The following C8orf34 variants were observed in gnomAD, a reference collection of about 807,000 sequenced individuals.
The protein encoded by C8orf34 is uncharacterized protein C8orf34.
Under a neutral mutation model 68.3 loss-of-function variants are expected in C8orf34, and 65 were observed. The observed-to-expected ratio is 0.95, with a 90% confidence interval of 0.78 to 1.17. The LOEUF is 1.17. C8orf34 is among the 50% of genes most tolerant of loss of function. C8orf34 has a pLI of 0.00. For synonymous variants in C8orf34, 244 were observed against 241.2 expected, an observed-to-expected ratio of 1.01 and a Z score of -0.11; for missense variants, 664 against 655.4, an observed-to-expected ratio of 1.01 and a Z score of -0.14.
intron 7 of C8orf34, among the ~76,000 whole-genome samples, chr8:68,581,286 G>A (rs1047902662): frequency 6.6e-6 from 1 of 152,000 alleles, no homozygotes; most frequent in Non-Finnish European, 1.5e-5. Context: ...AGGCCTATTT[G>A]TTTACATTTG....
rs114690030 is a variant in C8orf34 at position 68,572,728 on chromosome 8, A to T, written c.1105+39579A>T. On this transcript the variant is annotated intron_variant, in intron 7 of 13. Coordinates refer to ENST00000518698, the MANE Select transcript of C8orf34 (RefSeq NM_052958.4). The stretch of plus-strand genomic sequence containing the variant: ...GTTGCTGTGCTTTAGTGTCCCATAA[A>T]CAGTATGTTTGGGTTTTATGCCTGG... 8.2e-3 allele frequency among the ~76,000 whole-genome samples: 1,246 copies of T among 152,142 alleles called. 21 individuals are homozygous for T. The highest frequency in any genetic ancestry group is 0.028 in the African/African-American group (1,174 of 41,514).
At chr8:68,767,565 A>T (rs1407032332) in intron 10 of C8orf34, among the ~76,000 whole-genome samples, 1 of 152,218 alleles carries the variant, frequency 6.6e-6, no homozygotes, top group African/African-American at 2.4e-5. Context: ...TCAGTTCTCT[A>T]TATTTTTCTG....
At chr8:68,525,607 G>T in intron 6 of C8orf34, 1 of 836,390 alleles carries the variant, frequency 1.2e-6, no homozygotes, top group Non-Finnish European at 2.0e-6. Flanking sequence ...TCAGTACAAT[G>T]AAACCGAACT....
intron 8 of C8orf34, among the ~76,000 whole-genome samples, chr8:68,701,669 A>G (rs1212360161): frequency 8.6e-5 from 13 of 151,992 alleles, no homozygotes; most frequent in South Asian, 4.2e-4. Context: ...CCTACAGTCT[A>G]TTATCAATAC....
In C8orf34 at chr8:68,787,440, C is replaced by A; in HGVS notation, c.1456-3C>A. 1 of 1,602,972 alleles carries A rather than the reference C, an allele frequency of 6.2e-7. No individual in the cohort carries two copies. Among genetic ancestry groups the A allele is most frequent in the Non-Finnish European group, 8.5e-7 (1 of 1,172,850 alleles). The stretch of plus-strand genomic sequence containing the variant: ...AATCTAAAATAAATGTGTTCTTTTG[C>A]AGGATGAATCCTTAAAGCAATTGCA... On this transcript the variant is annotated splice_region_variant and splice_polypyrimidine_tract_variant and intron_variant, in intron 11 of 13. Transcript: ENST00000518698.
chr8:68,333,131 T>C (rs970170003), intron 1 of C8orf34, among the ~76,000 whole-genome samples: 3 of 152,178 alleles, frequency 2.0e-5, no homozygotes, highest in Non-Finnish European at 4.4e-5. Flanking sequence ...ATTTTAATAA[T>C]AATAAAATTA....
chr8:68,563,892 G>A (rs1816507138), intron 7 of C8orf34, among the ~76,000 whole-genome samples: 1 of 151,890 alleles, frequency 6.6e-6, no homozygotes, highest in Non-Finnish European at 1.5e-5. Flanking sequence ...AACAAAATCA[G>A]GCAAAAGAAA....
intron 1 of C8orf34, among the ~76,000 whole-genome samples, chr8:68,388,145 A>G (rs944398906): frequency 1.1e-4 from 16 of 152,314 alleles, no homozygotes; most frequent in Admixed American, 2.6e-4. Flanking sequence ...TATTCCAGAT[A>G]AAACAGACAT....
chr8:68,418,817 T>C (rs1217705429), intron 1 of C8orf34, among the ~76,000 whole-genome samples: 2 of 152,038 alleles, frequency 1.3e-5, no homozygotes, highest in Non-Finnish European at 2.9e-5. Flanking sequence ...TTACACCTTA[T>C]ACAAAAATCA....
At chr8:68,560,328 T>C (rs900709384) in intron 7 of C8orf34, among the ~76,000 whole-genome samples, 2 of 152,178 alleles carry the variant, frequency 1.3e-5, no homozygotes, top group African/African-American at 4.8e-5. Flanking sequence ...ATGTACTATC[T>C]TATAGTTACA....
chr8:68,624,163 T>C lies in C8orf34; in HGVS notation c.1106-16213T>C, dbSNP rs192704535. ...GGTGCACGCCTGTAATCCCAGCTAA[T>C]TGGGAGGCTGAGGTAGGAGAATCAC... is the stretch of plus-strand genomic sequence containing the variant. On this transcript the variant is annotated intron_variant, in intron 7 of 13. Transcript: ENST00000518698. Among the ~76,000 whole-genome samples the C allele has an allele frequency of 2.4e-4, 37 of 151,552 alleles. No individual in the cohort carries two copies. In the East Asian group the frequency reaches 7.1e-3, roughly 29 times the overall value.
intron 7 of C8orf34, among the ~76,000 whole-genome samples, chr8:68,612,955 GT>G (rs1477959817): frequency 1.3e-5 from 2 of 152,052 alleles, no homozygotes; most frequent in African/African-American, 4.8e-5. Flanking sequence ...ATCTTATAAG[GT>G]GCTGACCAGT....
At chr8:68,332,138 G>A (rs1234303430) in intron 1 of C8orf34, among the ~76,000 whole-genome samples, 1 of 151,990 alleles carries the variant, frequency 6.6e-6, no homozygotes, top group Non-Finnish European at 1.5e-5. Context: ...CAAAAATACA[G>A]TAGAAGGAAG....
chr8:68,748,220 T>G (rs1301411023), intron 10 of C8orf34, among the ~76,000 whole-genome samples: 1 of 132,962 alleles, frequency 7.5e-6, no homozygotes, highest in Non-Finnish European at 1.6e-5. Context: ...CCTTAAACCT[T>G]ATACAAAAAT....
chr8:68,546,029 G>T (rs1815866125), intron 7 of C8orf34, among the ~76,000 whole-genome samples: 1 of 151,888 alleles, frequency 6.6e-6, no homozygotes, highest in South Asian at 2.1e-4. Context: ...ATAATAAATT[G>T]GGAATGCATT....
chr8:68,619,103 G>A (rs1818313032), intron 7 of C8orf34, among the ~76,000 whole-genome samples: 1 of 152,042 alleles, frequency 6.6e-6, no homozygotes, highest in South Asian at 2.1e-4. Context: ...TGAGGCCTGG[G>A]GATCACTTGA....
intron 7 of C8orf34, among the ~76,000 whole-genome samples, chr8:68,578,762 C>G (rs541503473): frequency 6.6e-6 from 1 of 151,904 alleles, no homozygotes; most frequent in African/African-American, 2.4e-5. Context: ...TTGAATGCAA[C>G]TAGTATATGT....
intron 1 of C8orf34, among the ~76,000 whole-genome samples, chr8:68,413,540 C>T (rs1425342042): frequency 6.6e-6 from 1 of 152,112 alleles, no homozygotes; most frequent in Admixed American, 6.5e-5. Context: ...CTTATCATGC[C>T]CAAATTGGAG....
At chr8:68,420,616 A>T (rs1350476517) in intron 1 of C8orf34, among the ~76,000 whole-genome samples, 1 of 152,198 alleles carries the variant, frequency 6.6e-6, no homozygotes, top group African/African-American at 2.4e-5. Flanking sequence ...TTAAACAAGG[A>T]CAGTCTAGGG....
Sources: allele counts gnomAD v4.1 joint callset (sites outside exome capture counted in the v4.1 genomes callset), GRCh38; gene constraint gnomAD v4.1.1; transcripts MANE v1.5; gene names NCBI Gene and HGNC (gene_info 2026-07-23, HGNC 2026-07-21).